Variants in CATSPERT observed in about 807,000 individuals in gnomAD.
CATSPERT encodes cation channel sperm-associated targeting subunit tau.
the CATSPERT span, among the ~76,000 whole-genome samples, chr2:201,613,777 T>C: frequency 6.6e-6 from 1 of 152,146 alleles, no homozygotes; most frequent in African/African-American, 2.4e-5. Context: ...AAGGAGGATG[T>C]TCGAACCCAT....
chr2:201,548,395 C>T, the CATSPERT span, among the ~76,000 whole-genome samples: 6 of 152,178 alleles, frequency 3.9e-5, no homozygotes, highest in African/African-American at 1.4e-4. Flanking sequence ...TTGTAACAGT[C>T]CTACCCTCAT....
the CATSPERT span, among the ~76,000 whole-genome samples, chr2:201,512,038 CT>C: frequency 6.6e-6 from 1 of 151,858 alleles, no homozygotes; most frequent in Non-Finnish European, 1.5e-5. Flanking sequence ...TAGATTCAAT[CT>C]TTTAAGTCTG....
chr2:201,615,178 A>C, the CATSPERT span, among the ~76,000 whole-genome samples: 28 of 152,254 alleles, frequency 1.8e-4, no homozygotes, highest in Admixed American at 5.2e-4. Flanking sequence ...ATATCCAGGA[A>C]TTGAACTCAG....
At chr2:201,536,081 T>G in the CATSPERT span, 4 of 1,613,392 alleles carry the variant, frequency 2.5e-6, no homozygotes, top group Non-Finnish European at 3.4e-6. Flanking sequence ...ATTTTACTTC[T>G]AATGGAAAAA....
At chr2:201,593,729 G>A in the CATSPERT span, among the ~76,000 whole-genome samples, 12 of 149,864 alleles carry the variant, frequency 8.0e-5, no homozygotes, top group South Asian at 2.1e-3. Flanking sequence ...TTACCATTAT[G>A]TAATGGCCTT....
the CATSPERT span, among the ~76,000 whole-genome samples, chr2:201,560,465 T>C: frequency 0.017 from 548 of 32,658 alleles, 2 homozygotes; most frequent in East Asian, 0.033. Flanking sequence ...ATAATAATAA[T>C]AATAACAACA....
At chr2:201,563,722 A>G in the CATSPERT span, among the ~76,000 whole-genome samples, 85 of 152,332 alleles carry the variant, frequency 5.6e-4, no homozygotes, top group Non-Finnish European at 1.1e-3. Context: ...AGATACTATG[A>G]TCTTTAAAAT....
the CATSPERT span, among the ~76,000 whole-genome samples, chr2:201,501,772 CCAA>C: frequency 1.6e-4 from 24 of 152,256 alleles, no homozygotes; most frequent in African/African-American, 5.8e-4. Context: ...CATTTGTACA[CCAA>C]CAAGTTGGAT....
chr2:201,566,823 A>T, the CATSPERT span, among the ~76,000 whole-genome samples: 1 of 152,208 alleles, frequency 6.6e-6, no homozygotes, highest in Non-Finnish European at 1.5e-5. Context: ...TTTTATTTTT[A>T]AAATCTATTA....
chr2:201,519,611 CAG>C, the CATSPERT span, among the ~76,000 whole-genome samples: 2 of 151,236 alleles, frequency 1.3e-5, no homozygotes, highest in African/African-American at 2.4e-5. Flanking sequence ...TCAATGAAAT[CAG>C]GGGAAAAATC....
the CATSPERT span, among the ~76,000 whole-genome samples, chr2:201,556,442 G>A: frequency 6.6e-6 from 1 of 151,758 alleles, no homozygotes; most frequent in African/African-American, 2.4e-5. Flanking sequence ...CCGGGAGGCG[G>A]AGCTTGCAGT....
At chr2:201,575,888 G>T in the CATSPERT span, among the ~76,000 whole-genome samples, 3 of 152,098 alleles carry the variant, frequency 2.0e-5, no homozygotes, top group South Asian at 4.1e-4. Context: ...CACAAAACCA[G>T]TCCCTGGTGC....
At chr2:201,598,484 G>A in the CATSPERT span, among the ~76,000 whole-genome samples, 2 of 151,966 alleles carry the variant, frequency 1.3e-5, no homozygotes, top group East Asian at 1.9e-4. Flanking sequence ...AAATCTTGTT[G>A]AGGGAGAGAC....
chr2:201,556,298 A>C, the CATSPERT span, among the ~76,000 whole-genome samples: 1 of 151,946 alleles, frequency 6.6e-6, no homozygotes, highest in African/African-American at 2.4e-5. Context: ...TCACGAGGTC[A>C]GGAGATCGAG....
chr2:201,601,812 C>T, the CATSPERT span: 446 of 1,611,756 alleles, frequency 2.8e-4, 3 homozygotes, highest in African/African-American at 5.3e-3. Flanking sequence ...TAGCAAGCTA[C>T]ACATTTTTGT....
the CATSPERT span, chr2:201,494,533 A>G: frequency 6.5e-7 from 1 of 1,536,890 alleles, no homozygotes; most frequent in South Asian, 1.2e-5. Context: ...CTCAGTTTCT[A>G]ACATCTTTGT....
the CATSPERT span, among the ~76,000 whole-genome samples, chr2:201,510,400 C>T: frequency 1.3e-5 from 2 of 152,092 alleles, no homozygotes; most frequent in Non-Finnish European, 2.9e-5. Context: ...GCCAAGGTTG[C>T]ACCACTGCAC....
chr2:201,587,945 G>C, the CATSPERT span, among the ~76,000 whole-genome samples: 1 of 152,076 alleles, frequency 6.6e-6, no homozygotes, highest in Non-Finnish European at 1.5e-5. Flanking sequence ...GACTGAACCA[G>C]GAAGAAACTG....
At chr2:201,610,457 CAAAA>C in the CATSPERT span, among the ~76,000 whole-genome samples, 4 of 134,110 alleles carry the variant, frequency 3.0e-5, no homozygotes, top group Admixed American at 1.5e-4. Context: ...GACTCCGTCT[CAAAA>C]AAAAAAAAAA....
Sources: gnomAD v4.1 joint callset for allele counts (sites outside exome capture counted in the v4.1 genomes callset) on GRCh38, gnomAD v4.1.1 for gene constraint, MANE v1.5 for transcripts, NCBI Gene and HGNC (gene_info 2026-07-23, HGNC 2026-07-21) for gene names.